Variants in IL27RA observed in about 807,000 individuals in gnomAD.
IL27RA encodes interleukin 27 receptor subunit alpha.
In IL27RA, 61 loss-of-function variants were observed where a neutral mutation model predicts 80.8. The observed-to-expected ratio is 0.76, with a 90% CI of 0.61 to 0.93. IL27RA has a LOEUF of 0.93. Among genes scored for constraint, IL27RA ranks in the 40% least tolerant of loss-of-function variants. IL27RA has a pLI of 0.00. For synonymous variants in IL27RA, 316 were observed against 332.5 expected (o/e 0.95, Z 0.54); for missense variants, 735 against 808.1 (o/e 0.91, Z 1.10).
chr19:14,032,478 G>A lies in IL27RA; in HGVS notation c.193G>A (p.Glu65Lys). Reference protein sequence around the residue: ...EPLGDLGAPSELHLQSQKYRS... With the variant: ...EPLGDLGAPSKLHLQSQKYRS... ...TCTTGGGGACCTGGGAGCCCCCTCC[G>A]AGTTACACCTCCAGAGCCAAAAGTA... The change falls in exon 2 of 14, where the codon GAG (glutamate) becomes AAG (lysine). Residue 65 changes from glutamate (E) to lysine (K), a missense_variant. Transcript: ENST00000263379. The A allele has an allele frequency of 3.1e-6, 5 of 1,613,514 alleles. No homozygotes were observed. Among genetic ancestry groups the A allele is most frequent in the Non-Finnish European group, 4.2e-6 (5 of 1,179,678 alleles).
chr19:14,042,432 G>C (rs200396670), intron 4 of IL27RA, 21 bp from the exon 5 acceptor site: 1 of 1,610,754 alleles, frequency 6.2e-7, no homozygotes, highest in Admixed American at 1.7e-5. Flanking sequence ...GGCCCATCAC[G>C]CTCGCCTGTC....
At chr19:14,050,968 G>A in intron 11 of IL27RA, 85 bp downstream of exon 11, 1 of 1,417,160 alleles carries the variant, frequency 7.1e-7, no homozygotes, top group Admixed American at 2.0e-5. Flanking sequence ...TTACTTGGAA[G>A]CTAGGTGCAG....
At chr19:14,032,069 C>T (rs958513953) in intron 1 of IL27RA, 97 bp downstream of exon 1, 77 of 1,090,560 alleles carry the variant, frequency 7.1e-5, no homozygotes, top group Non-Finnish European at 1.0e-4. Flanking sequence ...GCAGAGCGAA[C>T]GGTAGAGGTG....
At chr19:14,043,714 G>A (rs1303987073) in intron 6 of IL27RA, among the ~76,000 whole-genome samples, 1 of 151,524 alleles carries the variant, frequency 6.6e-6, no homozygotes, top group African/African-American at 2.4e-5. Context: ...GGGAGCCACC[G>A]CGCCTGGCCT....
intron 1 of IL27RA, 113 bp downstream of exon 1, chr19:14,032,085 G>A: frequency 1.1e-6 from 1 of 945,616 alleles, no homozygotes; most frequent in Non-Finnish European, 1.6e-6. Flanking sequence ...AGGTGCAGGC[G>A]CCACTCGGCT....
intron 6 of IL27RA, 85 bp downstream of exon 6, chr19:14,042,874 C>CA: frequency 6.4e-6 from 8 of 1,241,654 alleles, no homozygotes; most frequent in Non-Finnish European, 9.5e-6. Context: ...TGCAGTGGCT[C>CA]ACGCTTGTAA....
At chr19:14,045,167 G>A (rs1976046572) in intron 6 of IL27RA, among the ~76,000 whole-genome samples, 1 of 150,198 alleles carries the variant, frequency 6.7e-6, no homozygotes, top group African/African-American at 2.5e-5. Flanking sequence ...TGCGTCTATA[G>A]TCCCAGCTAC....
chr19:14,051,784 A>G, intron 12 of IL27RA, 84 bp downstream of exon 12: 1 of 1,419,522 alleles, frequency 7.0e-7, no homozygotes, highest in Admixed American at 1.8e-5. Context: ...GCTTGAAGGG[A>G]GGCCTCAGGG....
At chr19:14,032,805 CA>C (rs60328140) in intron 2 of IL27RA, among the ~76,000 whole-genome samples, 1,851 of 60,782 alleles carry the variant, frequency 0.03, 25 homozygotes, top group African/African-American at 0.059. Context: ...GACTCTGTCT[CA>C]AAAAAAAAAA....
chr19:14,044,097 A>G (rs926334966), intron 6 of IL27RA, among the ~76,000 whole-genome samples: 15 of 151,716 alleles, frequency 9.9e-5, no homozygotes, highest in East Asian at 9.7e-4. Context: ...ACAAGGTGCA[A>G]TTATCCTCAC....
In IL27RA at chr19:14,052,113, G is replaced by C; in HGVS notation, c.1734G>C (p.Gln578His). ...CTTCCCAGCAAGTACCTGAGGCCCA[G>C]CCCCTTGGGGACTTGCCCATCCTGG... is the stretch of plus-strand genomic sequence containing the variant. Reference protein sequence around the residue: ...QPHMEQVPEAQPLGDLPILEV... With the variant: ...QPHMEQVPEAHPLGDLPILEV... The change falls in exon 14 of 14, where the codon CAG (glutamine) becomes CAC (histidine). Residue 578 changes from glutamine to histidine, a missense_variant. Transcript: ENST00000263379. 6.2e-7 allele frequency: 1 copy of C among 1,613,290 alleles called. No individual in the cohort carries two copies. Among genetic ancestry groups the C allele is most frequent in the Non-Finnish European group, 8.5e-7 (1 of 1,179,788 alleles).
rs868098484 is a variant in IL27RA, at chr19:14,044,032, G to A, written c.768+1243G>A. On this transcript the variant is annotated intron_variant, in intron 6 of 13. Transcript: ENST00000263379. The stretch of plus-strand genomic sequence containing the variant: ...CACTGCACTCCAGTCTGGGCAACAA[G>A]AGCAAGACTCTGTCTCACAAAAAAA... Among the ~76,000 whole-genome samples, 187 of 128,736 alleles carry A rather than the reference G, an allele frequency of 1.5e-3. 1 individual carries two copies. Among genetic ancestry groups the A allele is most frequent in the Middle Eastern group, 4.5e-3 (1 of 222 alleles). The allele number at this position is 128,736 out of a possible 152,430, so 84.5% of individuals were successfully genotyped here. A position where few individuals can be genotyped will look rare whatever the true frequency, so the allele number is the denominator to read the frequency against.
In IL27RA at chr19:14,051,645, T is replaced by C; in HGVS notation, c.1567T>C (p.Phe523Leu). The change falls in exon 12 of 14, where the codon TTC becomes CTC. Residue 523 changes from phenylalanine to leucine, a missense_variant. Phe to Leu is a conservative substitution (Grantham distance 22). Coordinates refer to ENST00000263379, the MANE Select transcript of IL27RA (RefSeq NM_004843.4). ...GTGGAAAGTTCTGCCGGGCATCCTA[T>C]TCTTGTGGGGCTTGTTCCTGTTGGG... Reference protein sequence around the residue: ...LRWKVLPGILFLWGLFLLGCG... With the variant: ...LRWKVLPGILLLWGLFLLGCG... 6.2e-7 allele frequency: 1 copy of C among 1,613,176 alleles called. No individual in the cohort carries two copies. Among genetic ancestry groups the C allele is most frequent in the East Asian group, 2.2e-5 (1 of 44,876 alleles).
rs141071954 is a variant in IL27RA, at chr19:14,047,406, G to C, written c.1141+788G>C. On this transcript the variant is annotated intron_variant, in intron 8 of 13. Coordinates refer to ENST00000263379, the MANE Select transcript of IL27RA (RefSeq NM_004843.4). The stretch of plus-strand genomic sequence containing the variant: ...GGCTGGCTCTGTCACCCAGGCTGGA[G>C]TGCAATGGTGTGATCTCAGCTCACT... Among the ~76,000 whole-genome samples, 21 of 150,620 alleles carry C rather than the reference G, an allele frequency of 1.4e-4. No homozygotes were observed. In the East Asian group the frequency reaches 4.1e-3, roughly 29 times the overall value.
intron 4 of IL27RA, among the ~76,000 whole-genome samples, chr19:14,040,730 G>T (rs1268169107): frequency 6.6e-6 from 1 of 151,010 alleles, no homozygotes; most frequent in Non-Finnish European, 1.5e-5. Context: ...GCTAAGGCAG[G>T]AGAGAATCAC....
intron 7 of IL27RA, 31 bp downstream of exon 7, chr19:14,046,368 G>T (rs1375387121): frequency 1.9e-6 from 3 of 1,613,630 alleles, no homozygotes; most frequent in Non-Finnish European, 2.5e-6. Flanking sequence ...TCAGCTCGGT[G>T]CCCTGGAGGG....
intron 6 of IL27RA, among the ~76,000 whole-genome samples, chr19:14,045,831 C>T (rs1008904730): frequency 2.6e-5 from 4 of 151,468 alleles, no homozygotes; most frequent in African/African-American, 9.7e-5. Context: ...TTGAGACCAG[C>T]CTGGCCAACA....
chr19:14,039,966 A>G, intron 4 of IL27RA, 56 bp downstream of exon 4: 5 of 1,549,660 alleles, frequency 3.2e-6, no homozygotes, highest in Non-Finnish European at 4.4e-6. Context: ...CTGAGGCAAC[A>G]TCTCCTAATC....
At position 14,051,636 on chromosome 19, in the gene IL27RA, G is replaced by A. The variant is rs1204456256; in HGVS notation, c.1558G>A (p.Gly520Ser). 1.2e-6 allele frequency: 2 copies of A among 1,612,448 alleles called. No homozygotes were observed. Among genetic ancestry groups the A allele is most frequent in the South Asian group, 2.2e-5 (2 of 90,856 alleles). ...DNTLRWKVLP[G>S]ILFLWGLFLL... ...CACCCTGAGGTGGAAAGTTCTGCCG[G>A]GCATCCTATTCTTGTGGGGCTTGTT... is the stretch of plus-strand genomic sequence containing the variant. The change falls in exon 12 of 14, where the codon GGC becomes AGC. Residue 520 changes from glycine to serine, a missense_variant. Gly to Ser is a moderately conservative substitution (Grantham distance 56, BLOSUM62 0). Coordinates refer to ENST00000263379, the MANE Select transcript of IL27RA (RefSeq NM_004843.4).
Sources: allele counts gnomAD v4.1 joint callset (sites outside exome capture counted in the v4.1 genomes callset), GRCh38; gene constraint gnomAD v4.1.1; transcripts MANE v1.5; gene names NCBI Gene and HGNC (gene_info 2026-07-23, HGNC 2026-07-21).